Variants in CFAP97 observed in about 807,000 individuals in gnomAD.
The protein encoded by CFAP97 is cilia and flagella associated protein 97, also known as cilia- and flagella-associated protein 97.
CFAP97 carries 36 observed loss-of-function variants against 43.1 expected under a neutral mutation model. That is an observed-to-expected ratio of 0.84 (90% CI 0.64 to 1.10). The LOEUF (loss-of-function observed/expected upper bound fraction) is 1.10. Among genes scored for constraint, CFAP97 ranks in the 50% least tolerant of loss-of-function variants. The pLI, the probability that CFAP97 is intolerant of heterozygous loss-of-function variation, is 0.00. For synonymous variants in CFAP97, 228 were observed against 225.7 expected, an observed-to-expected ratio of 1.01 and a Z score of -0.09; for missense variants, 657 against 620.3, an observed-to-expected ratio of 1.06 and a Z score of -0.63.
chr4:185,207,599 T>C (rs1737242079), upstream of CFAP97: 1 of 152,010 alleles, frequency 6.6e-6, no homozygotes, highest in Non-Finnish European at 1.5e-5. Flanking sequence ...ATGAGATGAG[T>C]AAATCAGAGA....
chr4:185,159,855 T>G lies in CFAP97; in HGVS notation c.*2943A>C, dbSNP rs1400857907. 6.6e-6 allele frequency: 1 copy of G among 152,238 alleles called. No individual in the cohort carries two copies. Among genetic ancestry groups the G allele is most frequent in the Non-Finnish European group, 1.5e-5 (1 of 68,032 alleles). The allele number at this position is 152,238 out of a possible 1,614,324, so 9.4% of individuals were successfully genotyped here. On this transcript the variant is annotated 3_prime_UTR_variant, in exon 5 of 5. Transcript: ENST00000458385. ...AAGATTGTATATAATCATTTATAGG[T>G]TAAGACTTTTTTGGCATTGAAGATA...
upstream of CFAP97, chr4:185,204,588 A>G (rs1737104716): frequency 6.6e-6 from 1 of 152,290 alleles, no homozygotes; most frequent in Non-Finnish European, 1.5e-5. Flanking sequence ...TGCACCTCCT[A>G]GTCCCCACAA....
chr4:185,198,893 G>C (rs115747030), intron 1 of CFAP97, among the ~76,000 whole-genome samples: 1,624 of 152,270 alleles, frequency 0.011, 17 homozygotes, highest in Middle Eastern at 0.017. Context: ...ATAAACATCA[G>C]ATTTCCAGTG....
chr4:185,200,999 G>C (rs1335074423), intron 1 of CFAP97, among the ~76,000 whole-genome samples: 1 of 152,126 alleles, frequency 6.6e-6, no homozygotes, highest in Non-Finnish European at 1.5e-5. Flanking sequence ...GCAGCGGCAG[G>C]GTTTGAGAAG....
chr4:185,163,937 C>A, intron 4 of CFAP97, 92 bp downstream of exon 4: 1 of 1,126,962 alleles, frequency 8.9e-7, no homozygotes, highest in South Asian at 1.6e-5. Context: ...CCAGAGTTGG[C>A]ATTTAAAACT....
chr4:185,167,365 G>A (rs1735112035), intron 3 of CFAP97, among the ~76,000 whole-genome samples: 1 of 152,240 alleles, frequency 6.6e-6, no homozygotes, highest in Middle Eastern at 3.4e-3. Context: ...CTACCCAAGA[G>A]GCAGAGGAGA....
chr4:185,178,986 G>C (rs1342183006), intron 2 of CFAP97, among the ~76,000 whole-genome samples: 1 of 152,172 alleles, frequency 6.6e-6, no homozygotes, highest in East Asian at 1.9e-4. Context: ...AACGGACAAA[G>C]AGAGGGGCGC....
upstream of CFAP97, among the ~76,000 whole-genome samples, chr4:185,207,402 G>C (rs915846463): frequency 6.6e-6 from 1 of 151,716 alleles, no homozygotes; most frequent in African/African-American, 2.4e-5. Flanking sequence ...ATTTTTAGTA[G>C]AGACGGGGTT....
At chr4:185,171,247 C>G (rs1028671816) in intron 3 of CFAP97, among the ~76,000 whole-genome samples, 3 of 151,992 alleles carry the variant, frequency 2.0e-5, no homozygotes, top group Non-Finnish European at 4.4e-5. Flanking sequence ...CGCTTGTAGT[C>G]CCAGCTACTC....
rs1295374892 is a variant in CFAP97 at position 185,159,695 on chromosome 4, T to G, written c.*3103A>C. On this transcript the variant is annotated 3_prime_UTR_variant, in exon 5 of 5. Coordinates refer to ENST00000458385, the MANE Select transcript of CFAP97 (RefSeq NM_020827.3). ...TTTAATTCTTTTATTTCTTTCTTCA[T>G]TATGCCAGGCTAGTTCTAAATGCCT... 6.6e-6 allele frequency: 1 copy of G among 152,214 alleles called. No homozygotes were observed. The highest frequency in any genetic ancestry group is 2.4e-5 in the African/African-American group (1 of 41,454). 9.4% of individuals were successfully genotyped at this position (152,214 alleles called of 1,614,324 possible). A position where few individuals can be genotyped will look rare whatever the true frequency, so the allele number is the denominator to read the frequency against.
intron 1 of CFAP97, among the ~76,000 whole-genome samples, chr4:185,193,020 G>A (rs535511800): frequency 5.1e-4 from 77 of 151,998 alleles, no homozygotes; most frequent in African/African-American, 1.8e-3. Flanking sequence ...AATTACAGGC[G>A]TGAGCCACCG....
chr4:185,207,208 C>CA (rs1737224988), upstream of CFAP97, among the ~76,000 whole-genome samples: 3 of 134,148 alleles, frequency 2.2e-5, no homozygotes, highest in African/African-American at 5.5e-5. Flanking sequence ...TAACCAGTCA[C>CA]ACTTTTTTTT....
At chr4:185,175,744 CA>C (rs1735491046) in intron 3 of CFAP97, 41 bp downstream of exon 3, 3 of 1,582,930 alleles carry the variant, frequency 1.9e-6, no homozygotes, top group Non-Finnish European at 2.6e-6. Context: ...CAAATCAGTG[CA>C]AACACATTTT....
At chr4:185,170,640 C>T (rs1395188053) in intron 3 of CFAP97, among the ~76,000 whole-genome samples, 2 of 151,804 alleles carry the variant, frequency 1.3e-5, no homozygotes, top group East Asian at 4.0e-4. Flanking sequence ...TCTCCAACTC[C>T]TGACCTCAGG....
At chr4:185,184,947 T>C (rs1223924798) in intron 2 of CFAP97, among the ~76,000 whole-genome samples, 1 of 152,214 alleles carries the variant, frequency 6.6e-6, no homozygotes, top group Non-Finnish European at 1.5e-5. Flanking sequence ...GAACAAATAG[T>C]ACTTACAAGA....
At chr4:185,200,577 T>A (rs1432791670) in intron 1 of CFAP97, among the ~76,000 whole-genome samples, 1 of 151,702 alleles carries the variant, frequency 6.6e-6, no homozygotes, top group Non-Finnish European at 1.5e-5. Flanking sequence ...GAGGTAGAGG[T>A]TGCAGCAGTG....
rs370176540 is a variant in CFAP97 at position 185,175,978 on chromosome 4, G to C, written c.1128C>G (p.Asn376Lys). 22 of 1,613,354 alleles carry C rather than the reference G, an allele frequency of 1.4e-5. No homozygotes were observed. Among genetic ancestry groups the C allele is most frequent in the Non-Finnish European group, 1.6e-5 (19 of 1,179,800 alleles). The change falls in exon 3 of 5, where the codon AAC becomes AAG. Residue 376 changes from asparagine (N) to lysine (K), a missense_variant. Asn to Lys is a moderately conservative substitution (Grantham distance 94). Coordinates refer to ENST00000458385, the MANE Select transcript of CFAP97 (RefSeq NM_020827.3). ...FDQPSVAPGK[N>K]YSFTREEVRQ... is the part of the protein sequence containing the mutation. Reference sequence around the variant, plus strand: ...TCACCTCTTCTCTTGTGAAAGAGTAGTTTTTCCCGGGTGCTACTGAAGGCT... The same window carrying C: ...TCACCTCTTCTCTTGTGAAAGAGTACTTTTTCCCGGGTGCTACTGAAGGCT...
chr4:185,160,050 T>C lies in CFAP97; in HGVS notation c.*2748A>G, dbSNP rs1734822269. On this transcript the variant is annotated 3_prime_UTR_variant, in exon 5 of 5. Transcript: ENST00000458385. ...TTCCTAAAGCTGTCTCGATATCTAC[T>C]GTGGACACTCAGGTTAGCGGAGAGA... 6.6e-6 allele frequency: 1 copy of C among 152,218 alleles called. No homozygotes were observed. The highest frequency in any genetic ancestry group is 6.5e-5 in the Admixed American group (1 of 15,278). 9.4% of individuals were successfully genotyped at this position (152,218 alleles called of 1,614,324 possible). A position where few individuals can be genotyped will look rare whatever the true frequency, so the allele number is the denominator to read the frequency against.
chr4:185,180,363 A>ACCC (rs1560862758), intron 2 of CFAP97, among the ~76,000 whole-genome samples: 8 of 152,146 alleles, frequency 5.3e-5, no homozygotes, highest in African/African-American at 1.9e-4. Context: ...CACCACCACC[A>ACCC]GTTTCCAAAA....
Sources: gnomAD v4.1 joint callset for allele counts (sites outside exome capture counted in the v4.1 genomes callset) on GRCh38, gnomAD v4.1.1 for gene constraint, MANE v1.5 for transcripts, NCBI Gene and HGNC (gene_info 2026-07-23, HGNC 2026-07-21) for gene names.